The following B3GALT1 variants were observed in gnomAD, a reference collection of about 807,000 sequenced individuals.
B3GALT1 encodes the protein UDP-Gal:betaGlcNAc beta 1,3-galactosyltransferase, polypeptide 1.
In B3GALT1, 10 loss-of-function variants were observed where a neutral mutation model predicts 23.2. The observed-to-expected ratio is 0.43, with a 90% confidence interval of 0.27 to 0.73. B3GALT1 has a LOEUF of 0.73. Ranked by LOEUF, B3GALT1 falls within the 30% of genes least tolerant of loss-of-function variation. The pLI, the probability that B3GALT1 is intolerant of heterozygous loss-of-function variation, is 0.21. For missense variants in B3GALT1, 299 were observed against 405.4 expected (o/e 0.74, Z 2.25); for synonymous variants, 156 against 141.5 (o/e 1.10, Z -0.73).
At chr2:167,736,095 A>G (rs1687487774) in intron 3 of B3GALT1, among the ~76,000 whole-genome samples, 2 of 152,352 alleles carry the variant, frequency 1.3e-5, no homozygotes, top group Middle Eastern at 3.4e-3. Flanking sequence ...TCACAGAGCT[A>G]GTGGGTAGAA....
chr2:167,593,285 A>G (rs920014971), intron 2 of B3GALT1, among the ~76,000 whole-genome samples: 2 of 152,248 alleles, frequency 1.3e-5, no homozygotes, highest in Non-Finnish European at 2.9e-5. Flanking sequence ...AAAGAAATGA[A>G]CTATTTCCAT....
rs774549212 is a variant in B3GALT1, at chr2:167,631,235, A to G, written c.-409-15674A>G. ...AACAGGGCATCATGTTCTGAAACCA[A>G]TGATTCTGTGCAGAGTGCCTGCTGA... On this transcript the variant is annotated intron_variant, in intron 2 of 4. Coordinates refer to ENST00000392690, the MANE Select transcript of B3GALT1 (RefSeq NM_020981.4). 2.6e-5 allele frequency among the ~76,000 whole-genome samples: 4 copies of G among 151,898 alleles called. No individual in the cohort carries two copies. The East Asian group carries it at 5.8e-4, about 22-fold the overall frequency.
intron 2 of B3GALT1, among the ~76,000 whole-genome samples, chr2:167,496,539 C>G (rs1377589681): frequency 6.6e-6 from 1 of 152,118 alleles, no homozygotes. Context: ...TTTTTAAACT[C>G]AATTAGGGTA....
intron 3 of B3GALT1, among the ~76,000 whole-genome samples, chr2:167,719,121 A>G (rs1479864389): frequency 2.0e-5 from 3 of 152,336 alleles, no homozygotes; most frequent in South Asian, 2.1e-4. Context: ...GTCAAGTAAA[A>G]TAGTGGCATA....
rs1409037732 is a variant in B3GALT1, at chr2:167,465,753, T to G, written c.-510-24424T>G. On this transcript the variant is annotated intron_variant, in intron 1 of 4. Transcript: ENST00000392690. ...AAGCAAATATACGTTATTTTACTTATCTAAAACATGGTCTAGTAGTTGAGA... is the reference window on the plus strand; with the variant it reads ...AAGCAAATATACGTTATTTTACTTAGCTAAAACATGGTCTAGTAGTTGAGA... 2.0e-5 allele frequency among the ~76,000 whole-genome samples: 3 copies of G among 152,040 alleles called. No homozygotes were observed. In the East Asian group the frequency reaches 5.8e-4, roughly 29 times the overall value.
At chr2:167,326,812 C>A (rs570100930) in intron 1 of B3GALT1, among the ~76,000 whole-genome samples, 1 of 152,056 alleles carries the variant, frequency 6.6e-6, no homozygotes, top group African/African-American at 2.4e-5. Context: ...GCCTCAGCCT[C>A]CTGAGTAGCT....
At chr2:167,762,799 A>C (rs1308404214) in intron 3 of B3GALT1, among the ~76,000 whole-genome samples, 2 of 152,226 alleles carry the variant, frequency 1.3e-5, no homozygotes, top group African/African-American at 4.8e-5. Context: ...GGACTTCAGA[A>C]GTGGCTCAAT....
At chr2:167,454,487 A>G (rs986478356) in intron 1 of B3GALT1, among the ~76,000 whole-genome samples, 5 of 152,226 alleles carry the variant, frequency 3.3e-5, no homozygotes, top group African/African-American at 1.2e-4. Context: ...GGAGCTGTAC[A>G]GTAGGATAAA....
chr2:167,513,068 CAAAAAA>C (rs544667836), intron 2 of B3GALT1, among the ~76,000 whole-genome samples: 29 of 72,540 alleles, frequency 4.0e-4, no homozygotes, highest in African/African-American at 6.8e-4. Flanking sequence ...ATTCATGCCA[CAAAAAA>C]AAAAAAAAAA....
At chr2:167,648,757 A>G (rs577979965) in intron 3 of B3GALT1, among the ~76,000 whole-genome samples, 172 of 152,096 alleles carry the variant, frequency 1.1e-3, no homozygotes, top group African/African-American at 3.7e-3. Context: ...TATGGGAACT[A>G]TTTCATCCGG....
intron 2 of B3GALT1, among the ~76,000 whole-genome samples, chr2:167,614,766 C>T (rs1347240296): frequency 6.6e-6 from 1 of 151,670 alleles, no homozygotes; most frequent in Non-Finnish European, 1.5e-5. Context: ...AATGCAAATG[C>T]AAAATGTGAT....
intron 3 of B3GALT1, among the ~76,000 whole-genome samples, chr2:167,670,584 T>A (rs891306179): frequency 4.6e-5 from 7 of 152,164 alleles, no homozygotes; most frequent in African/African-American, 1.7e-4. Context: ...CTATGAACTG[T>A]CTGGCAAGTA....
At chr2:167,716,099 A>G (rs1687141222) in intron 3 of B3GALT1, 2 of 1,522,514 alleles carry the variant, frequency 1.3e-6, no homozygotes, top group Admixed American at 1.8e-5. Flanking sequence ...ACCGCAGTTA[A>G]CACTGGCCAC....
At chr2:167,631,812 AAT>A (rs1419360687) in intron 2 of B3GALT1, among the ~76,000 whole-genome samples, 151 of 121,148 alleles carry the variant, frequency 1.2e-3, no homozygotes, top group Middle Eastern at 4.8e-3. Context: ...TTTTATTATT[AAT>A]ATACTTTAAG....
At chr2:167,811,656 C>T (rs777853715) in intron 3 of B3GALT1, among the ~76,000 whole-genome samples, 11 of 149,160 alleles carry the variant, frequency 7.4e-5, no homozygotes, top group Non-Finnish European at 1.0e-4. Flanking sequence ...CCATCTAGTA[C>T]GATTGATTAA....
intron 2 of B3GALT1, among the ~76,000 whole-genome samples, chr2:167,566,026 A>C (rs1220655976): frequency 7.2e-5 from 11 of 152,054 alleles, no homozygotes; most frequent in Admixed American, 3.3e-4. Flanking sequence ...ACTATAAATC[A>C]TGCTGCTATA....
intron 2 of B3GALT1, among the ~76,000 whole-genome samples, chr2:167,641,653 C>T (rs1305570567): frequency 6.6e-6 from 1 of 152,160 alleles, no homozygotes; most frequent in Non-Finnish European, 1.5e-5. Flanking sequence ...AAAGCGCTGT[C>T]TTTTCTTGGC....
chr2:167,711,179 T>C (rs35415722), intron 3 of B3GALT1, among the ~76,000 whole-genome samples: 46,349 of 151,990 alleles, frequency 0.3, 7,846 homozygotes, highest in Non-Finnish European at 0.4. Context: ...CCAAAGCCTC[T>C]AATATCTAAT....
chr2:167,701,285 GCGT>G (rs1252879697), intron 3 of B3GALT1, among the ~76,000 whole-genome samples: 1 of 151,982 alleles, frequency 6.6e-6, no homozygotes, highest in Non-Finnish European at 1.5e-5. Flanking sequence ...GGGAGGAGGG[GCGT>G]GACCACCAGA....
Sources: gnomAD v4.1 joint callset for allele counts (sites outside exome capture counted in the v4.1 genomes callset) on GRCh38, gnomAD v4.1.1 for gene constraint, MANE v1.5 for transcripts, NCBI Gene and HGNC (gene_info 2026-07-23, HGNC 2026-07-21) for gene names.